Variants in LPCAT1 observed in about 807,000 individuals in gnomAD.
LPCAT1 encodes lysophosphatidylcholine acyltransferase 1.
A neutral mutation model predicts 60.9 loss-of-function variants in LPCAT1; 23 were observed. The ratio of observed to expected loss-of-function variants is 0.38; its 90% CI spans 0.27 to 0.53. LPCAT1 has a LOEUF of 0.53. LPCAT1 is among the 20% of genes least tolerant of loss of function. The probability of loss-of-function intolerance (pLI) is 0.82; values close to 1 mark genes in which losing one functional copy is unlikely to be tolerated. For missense variants in LPCAT1, 622 were observed against 723.6 expected (o/e 0.86, Z 1.61); for synonymous variants, 340 against 301.1 (o/e 1.13, Z -1.34).
chr5:1,510,570 G>A (rs916390087), intron 1 of LPCAT1, among the ~76,000 whole-genome samples: 4 of 152,196 alleles, frequency 2.6e-5, no homozygotes, highest in African/African-American at 4.8e-5. Context: ...GATGCTGCAC[G>A]GTGTTGAATG....
chr5:1,494,991 A>C, intron 2 of LPCAT1, 77 bp from the exon 3 acceptor site: 1 of 1,356,230 alleles, frequency 7.4e-7, no homozygotes. Flanking sequence ...GGGCGGTCCC[A>C]CGGGAGAGCC....
intron 5 of LPCAT1, 152 bp downstream of exon 5, chr5:1,488,239 T>C (rs1253524574): frequency 5.6e-6 from 3 of 538,458 alleles, no homozygotes; most frequent in South Asian, 2.8e-5. Flanking sequence ...CAAATTTATT[T>C]TGTGACTTTT....
chr5:1,491,934 G>A (rs1027284097), intron 3 of LPCAT1, among the ~76,000 whole-genome samples: 9 of 152,228 alleles, frequency 5.9e-5, no homozygotes, highest in East Asian at 1.9e-4. Flanking sequence ...AAGGGTCCAC[G>A]AAAGGAACCA....
chr5:1,513,800 A>C (rs1736425255), intron 1 of LPCAT1, among the ~76,000 whole-genome samples: 1 of 138,874 alleles, frequency 7.2e-6, no homozygotes. Flanking sequence ...CATTTCCTCC[A>C]TTTCCACAGG....
At chr5:1,494,652 TCCCAGCAGGGCAGGGTCCCTC>T in intron 3 of LPCAT1, 27 bp downstream of exon 3, 1 of 1,547,130 alleles carries the variant, frequency 6.5e-7, no homozygotes, top group Non-Finnish European at 8.9e-7. Context: ...GATCTCTCAC[TCCCAGCAGGGCAGGGTCCCTC>T]ACTCCCAGCA....
chr5:1,505,390 C>A (rs543123250), intron 1 of LPCAT1, among the ~76,000 whole-genome samples: 128 of 151,958 alleles, frequency 8.4e-4, no homozygotes, highest in African/African-American at 3.0e-3. Context: ...CCACAGAGTG[C>A]GGAATAAAAT....
chr5:1,504,714 C>CAAAAA (rs11463524), intron 1 of LPCAT1, among the ~76,000 whole-genome samples: 4 of 102,078 alleles, frequency 3.9e-5, no homozygotes, highest in African/African-American at 1.3e-4. Context: ...ATCTCCGTCC[C>CAAAAA]AAAAAAAAAA....
At chr5:1,479,563 G>C (rs27059) in intron 8 of LPCAT1, 58 bp downstream of exon 8, 911,877 of 1,228,822 alleles carry the variant, frequency 0.74, 340,087 homozygotes, top group East Asian at 0.86. Flanking sequence ...CCTGGTGTAA[G>C]CTCGTGTCTG....
chr5:1,467,539 G>A (rs1225543313), intron 12 of LPCAT1, among the ~76,000 whole-genome samples: 3 of 152,240 alleles, frequency 2.0e-5, no homozygotes, highest in Middle Eastern at 3.4e-3. Flanking sequence ...GTGCCGAGGC[G>A]CCTGCCGCCC....
intron 1 of LPCAT1, among the ~76,000 whole-genome samples, chr5:1,512,191 G>A (rs1439699426): frequency 6.6e-6 from 1 of 152,200 alleles, no homozygotes; most frequent in Non-Finnish European, 1.5e-5. Flanking sequence ...CCTGTGTGGC[G>A]TGCGGCCCCG....
intron 3 of LPCAT1, among the ~76,000 whole-genome samples, chr5:1,490,620 T>A (rs1234649454): frequency 1.3e-5 from 2 of 152,144 alleles, no homozygotes; most frequent in Non-Finnish European, 2.9e-5. Context: ...AGCTTTGTGG[T>A]GCTTTGTAGC....
rs371091168 is a variant in LPCAT1 at position 1,502,272 on chromosome 5, C to T, written c.136-669G>A. On this transcript the variant is annotated intron_variant, in intron 1 of 13. Transcript: ENST00000283415. This position sits in a 1 kb window ranked among gnomAD's most constrained non-coding sequence, Gnocchi z 5.5. Reference sequence around the variant, plus strand: ...CCCCAGGCAGCTCCGCCCCCCAGGACACACCCCCAGCCCCGCAGGCCTCAC... The same window carrying T: ...CCCCAGGCAGCTCCGCCCCCCAGGATACACCCCCAGCCCCGCAGGCCTCAC... 1.5e-4 allele frequency among the ~76,000 whole-genome samples: 23 copies of T among 152,214 alleles called. No individual in the cohort carries two copies. In the South Asian group the frequency reaches 4.6e-3, roughly 30 times the overall value.
In LPCAT1 at chr5:1,461,498, C is replaced by T. The variant is rs1734089850; in HGVS notation, c.*2153G>A. 1 of 152,596 alleles carries T rather than the reference C, an allele frequency of 6.6e-6. No homozygotes were observed. Among genetic ancestry groups the T allele is most frequent in the African/African-American group, 2.4e-5 (1 of 41,476 alleles). 9.5% of individuals were successfully genotyped at this position (152,596 alleles called of 1,614,324 possible). ...AAGTTCCTTCATGGCAACCCTCCCT[C>T]TGCCCTCACACCCCAGCAGGTCCCC... On this transcript the variant is annotated 3_prime_UTR_variant, in exon 14 of 14. Transcript: ENST00000283415.
chr5:1,506,325 C>T (rs778739158), intron 1 of LPCAT1, among the ~76,000 whole-genome samples: 3 of 152,200 alleles, frequency 2.0e-5, no homozygotes, highest in Non-Finnish European at 4.4e-5. Context: ...CTGCCAGGCT[C>T]GGCCCGCCCA....
intron 1 of LPCAT1, among the ~76,000 whole-genome samples, chr5:1,508,790 C>T (rs950111457): frequency 2.6e-5 from 4 of 152,176 alleles, no homozygotes; most frequent in Admixed American, 1.3e-4. Context: ...TGAGTGAAGG[C>T]GCCGGTGGTC....
chr5:1,483,987 A>G lies in LPCAT1; in HGVS notation c.668-501T>C, dbSNP rs1322973235. Among the ~76,000 whole-genome samples the G allele has an allele frequency of 6.6e-6, 1 of 152,256 alleles. No individual in the cohort carries two copies. Among genetic ancestry groups the G allele is most frequent in the Non-Finnish European group, 1.5e-5 (1 of 68,046 alleles). On this transcript the variant is annotated intron_variant, in intron 5 of 13. Coordinates refer to ENST00000283415, the MANE Select transcript of LPCAT1 (RefSeq NM_024830.5). This position sits in a 1 kb window ranked among gnomAD's most constrained non-coding sequence, Gnocchi z 9.2. ...GAAGTGGGGGTCCTCATCACCGGCC[A>G]ATGCTCACCCACCTGACGGGGTTAG...
rs1038521344 is a variant in LPCAT1 at position 1,481,376 on chromosome 5, G to A, written c.727-400C>T. Among the ~76,000 whole-genome samples, 5 of 152,214 alleles carry A rather than the reference G, an allele frequency of 3.3e-5. No individual in the cohort carries two copies. Among genetic ancestry groups the A allele is most frequent in the Admixed American group, 6.5e-5 (1 of 15,290 alleles). On this transcript the variant is annotated intron_variant, in intron 6 of 13. Transcript: ENST00000283415. The surrounding 1 kb of genome is among the most constrained non-coding windows in gnomAD (Gnocchi z 7.8). Reference sequence around the variant, plus strand: ...GGGACACCAATTCCAGTGTGCACCCGGGACCCCGGCCCTCTCCTGCCCACC... The same window carrying A: ...GGGACACCAATTCCAGTGTGCACCCAGGACCCCGGCCCTCTCCTGCCCACC...
chr5:1,516,459 T>C (rs1388029701), intron 1 of LPCAT1, among the ~76,000 whole-genome samples: 1 of 152,140 alleles, frequency 6.6e-6, no homozygotes, highest in Non-Finnish European at 1.5e-5. Flanking sequence ...AGCCCAGGCA[T>C]TCCATGCTGA....
rs1323949664 is a variant in LPCAT1 at position 1,523,582 on chromosome 5, C to T, written c.135+128G>A. The T allele has an allele frequency of 3.5e-6, 2 of 571,856 alleles. No individual in the cohort carries two copies. Among genetic ancestry groups the T allele is most frequent in the African/African-American group, 4.1e-5 (2 of 48,878 alleles). 35.4% of individuals were successfully genotyped at this position (571,856 alleles called of 1,614,324 possible). A position where few individuals can be genotyped will look rare whatever the true frequency, so the allele number is the denominator to read the frequency against. On this transcript the variant is annotated intron_variant, in intron 1 of 13. Transcript: ENST00000283415. This position sits in a 1 kb window ranked among gnomAD's most constrained non-coding sequence, Gnocchi z 7.1. ...GAGGGGCGGCCGCGGGGAGGGAAGG[C>T]GCCGCGGCTCGCAGGGCCGCGCCGC...
Sources: gnomAD v4.1 joint callset for allele counts (sites outside exome capture counted in the v4.1 genomes callset) on GRCh38, gnomAD v4.1.1 for gene constraint, Gnocchi (gnomAD v3.1) non-coding constraint, MANE v1.5 for transcripts, NCBI Gene and HGNC (gene_info 2026-07-23, HGNC 2026-07-21) for gene names.